Variants in PRR16 observed in about 807,000 individuals in gnomAD.
PRR16 encodes the protein proline rich 16.
In PRR16, 6 loss-of-function variants were observed where a neutral mutation model predicts 18.2. The observed-to-expected ratio is 0.33, with a 90% CI of 0.18 to 0.65. PRR16 has a LOEUF of 0.65. Ranked by LOEUF, PRR16 falls within the 30% of genes least tolerant of loss-of-function variation. PRR16 has a pLI of 0.74. For synonymous variants in PRR16, 151 were observed against 147.8 expected (o/e 1.02, Z -0.16); for missense variants, 412 against 376.6 (o/e 1.09, Z -0.78).
chr5:120,757,217 T>A, the PRR16 span, among the ~76,000 whole-genome samples: 2 of 152,122 alleles, frequency 1.3e-5, no homozygotes, highest in Non-Finnish European at 2.9e-5. Flanking sequence ...TTGGTTACTG[T>A]AGCCTTATAG....
At chr5:120,655,469 C>A (rs1755937460) in intron 1 of PRR16, among the ~76,000 whole-genome samples, 1 of 148,000 alleles carries the variant, frequency 6.8e-6, no homozygotes, top group South Asian at 2.1e-4. Context: ...TTATTATAGA[C>A]ATATATAGAA....
intron 1 of PRR16, among the ~76,000 whole-genome samples, chr5:120,488,640 C>G (rs1749906124): frequency 6.6e-6 from 1 of 152,086 alleles, no homozygotes. Context: ...TTTTGTGTCT[C>G]TATTTCCTTC....
chr5:120,656,857 G>A (rs1755996967), intron 1 of PRR16, among the ~76,000 whole-genome samples: 1 of 152,012 alleles, frequency 6.6e-6, no homozygotes, highest in Middle Eastern at 3.4e-3. Flanking sequence ...ACAGAATAAT[G>A]TTCCTTTTAT....
At chr5:120,775,119 A>G in the PRR16 span, among the ~76,000 whole-genome samples, 1 of 152,320 alleles carries the variant, frequency 6.6e-6, no homozygotes, top group South Asian at 2.1e-4. Flanking sequence ...CAATATCAAC[A>G]AAGAGTTCCT....
intron 1 of PRR16, among the ~76,000 whole-genome samples, chr5:120,547,126 G>A (rs1285475204): frequency 1.3e-5 from 2 of 151,914 alleles, no homozygotes; most frequent in Non-Finnish European, 2.9e-5. Context: ...TGAGCAGTTA[G>A]GGCAACTAGA....
chr5:120,464,729 A>G, intron 1 of PRR16, 84 bp downstream of exon 1: 1 of 1,377,732 alleles, frequency 7.3e-7, no homozygotes. Context: ...AGGGACAGCC[A>G]GATTTCCAAA....
At chr5:120,738,766 G>A in the PRR16 span, among the ~76,000 whole-genome samples, 1 of 152,118 alleles carries the variant, frequency 6.6e-6, no homozygotes, top group East Asian at 1.9e-4. Flanking sequence ...GATTTGTGCT[G>A]AGTGTCAGTA....
At chr5:120,528,468 C>T (rs981446889) in intron 1 of PRR16, among the ~76,000 whole-genome samples, 2 of 152,054 alleles carry the variant, frequency 1.3e-5, no homozygotes, top group African/African-American at 4.8e-5. Context: ...GAGAAAAGAA[C>T]CTGACATAAC....
chr5:120,748,263 T>G, the PRR16 span, among the ~76,000 whole-genome samples: 1 of 152,124 alleles, frequency 6.6e-6, no homozygotes, highest in Non-Finnish European at 1.5e-5. Context: ...TGATGATTTT[T>G]AAATAGACAA....
intron 1 of PRR16, among the ~76,000 whole-genome samples, chr5:120,494,917 A>G (rs1750192911): frequency 6.6e-6 from 1 of 151,988 alleles, no homozygotes; most frequent in South Asian, 2.1e-4. Flanking sequence ...TGTACTATTT[A>G]TGGATCTGTA....
the PRR16 span, among the ~76,000 whole-genome samples, chr5:120,780,499 C>G: frequency 1.3e-5 from 2 of 151,924 alleles, no homozygotes; most frequent in Non-Finnish European, 2.9e-5. Flanking sequence ...ATCTAAGAGA[C>G]GGAAAAACAT....
At chr5:120,667,736 T>C (rs973232130) in intron 1 of PRR16, among the ~76,000 whole-genome samples, 18 of 152,086 alleles carry the variant, frequency 1.2e-4, no homozygotes, top group Non-Finnish European at 2.5e-4. Flanking sequence ...CAGGAGCAGG[T>C]TGTTCAGTTT....
At chr5:120,571,898 A>G (rs1752918288) in intron 1 of PRR16, among the ~76,000 whole-genome samples, 1 of 152,120 alleles carries the variant, frequency 6.6e-6, no homozygotes, top group Non-Finnish European at 1.5e-5. Context: ...CTTCACATAC[A>G]TGCCTGGTGT....
chr5:120,767,278 C>T, the PRR16 span, among the ~76,000 whole-genome samples: 1 of 151,926 alleles, frequency 6.6e-6, no homozygotes, highest in Non-Finnish European at 1.5e-5. Context: ...GATTTTAGGA[C>T]ATTGGTTGAC....
At chr5:120,749,335 A>T in the PRR16 span, among the ~76,000 whole-genome samples, 3 of 152,136 alleles carry the variant, frequency 2.0e-5, no homozygotes, top group African/African-American at 7.2e-5. Context: ...ATCAAGTAAG[A>T]CAAAATTGTT....
chr5:120,669,907 T>C (rs1349179), intron 1 of PRR16, among the ~76,000 whole-genome samples: 149,272 of 152,142 alleles, frequency 0.98, 73,285 homozygotes, highest in East Asian at 1. Context: ...TAACTAATGA[T>C]AGTATATTTA....
intron 1 of PRR16, among the ~76,000 whole-genome samples, chr5:120,504,964 GC>G (rs1384361683): frequency 1.3e-5 from 2 of 152,080 alleles, no homozygotes; most frequent in Non-Finnish European, 2.9e-5. Context: ...ATAATAGAAG[GC>G]AAGAATACTT....
intron 1 of PRR16, among the ~76,000 whole-genome samples, chr5:120,504,265 C>G (rs1233895089): frequency 6.6e-6 from 1 of 152,174 alleles, no homozygotes; most frequent in African/African-American, 2.4e-5. Context: ...AAGTAAACAA[C>G]CAACCATGTT....
chr5:120,573,631 A>G (rs1258542621), intron 1 of PRR16, among the ~76,000 whole-genome samples: 1 of 152,160 alleles, frequency 6.6e-6, no homozygotes, highest in Non-Finnish European at 1.5e-5. Context: ...ACTCAACTGG[A>G]AGATAAATGA....
Sources: allele counts gnomAD v4.1 joint callset (sites outside exome capture counted in the v4.1 genomes callset), GRCh38; gene constraint gnomAD v4.1.1; transcripts MANE v1.5; gene names NCBI Gene and HGNC (gene_info 2026-07-23, HGNC 2026-07-21).